Variants in TSC22D1 observed in about 807,000 individuals in gnomAD.
TSC22D1 encodes the protein TSC22 domain family member 1, also known as TSC22 domain family protein 1.
A neutral mutation model predicts 74.2 loss-of-function variants in TSC22D1; 9 were observed. The observed-to-expected ratio is 0.12, with a 90% CI of 0.07 to 0.21. TSC22D1 has a LOEUF of 0.21. Among genes scored for constraint, TSC22D1 ranks in the 10% least tolerant of loss-of-function variants. TSC22D1 has a pLI of 1.00. For missense variants in TSC22D1, 1,427 were observed against 1,304.7 expected (o/e 1.09, Z -1.44); for synonymous variants, 586 against 492.5 (o/e 1.19, Z -2.51).
chr13:44,433,233 T>C lies in TSC22D1; in HGVS notation c.*1393A>G, dbSNP rs570783853. Reference sequence around the variant, plus strand: ...CTAGAATTTTAAAGCCAAAGGGGAATGTAAGAGATCATCTCTTTCAAACCC... The same window carrying C: ...CTAGAATTTTAAAGCCAAAGGGGAACGTAAGAGATCATCTCTTTCAAACCC... On this transcript the variant is annotated 3_prime_UTR_variant, in exon 3 of 3. Coordinates refer to ENST00000458659, the MANE Select transcript of TSC22D1 (RefSeq NM_183422.4). 7 of 152,366 alleles carry C rather than the reference T, an allele frequency of 4.6e-5. No homozygotes were observed. The South Asian group carries it at 1.4e-3, about 32-fold the overall frequency. 9.4% of individuals were successfully genotyped at this position (152,366 alleles called of 1,614,324 possible).
At chr13:44,457,185 C>T (rs769240818) in intron 1 of TSC22D1, among the ~76,000 whole-genome samples, 2 of 152,226 alleles carry the variant, frequency 1.3e-5, no homozygotes, top group Non-Finnish European at 2.9e-5. Flanking sequence ...CCCAGCTGAA[C>T]CAAAACTGCA....
intron 1 of TSC22D1, among the ~76,000 whole-genome samples, chr13:44,490,610 T>A (rs1878653386): frequency 1.3e-5 from 2 of 151,998 alleles, no homozygotes; most frequent in South Asian, 2.1e-4. Flanking sequence ...CTATAAAGAA[T>A]ATATAGGCTG....
chr13:44,455,413 ACT>A (rs1296034244), intron 1 of TSC22D1, among the ~76,000 whole-genome samples: 5 of 151,976 alleles, frequency 3.3e-5, no homozygotes, highest in African/African-American at 9.7e-5. Flanking sequence ...TTTCTGAAAG[ACT>A]CTTTTTTAAA....
rs1252419802 is a variant in TSC22D1, at chr13:44,573,989, C to T, written c.2086G>A (p.Val696Met). The T allele has an allele frequency of 1.2e-6, 2 of 1,614,026 alleles. No individual in the cohort carries two copies. Among genetic ancestry groups the T allele is most frequent in the East Asian group, 4.5e-5 (2 of 44,886 alleles). Residue 696 changes from valine (V) to methionine (M), a missense_variant, in exon 1 of 3, where the codon GTG becomes ATG. Transcript: ENST00000458659. ...TGTGCTGGGACTGCTGTGGGCTGCA[C>T]TGGCAGCTGGATACCCTGTGGCTGA... ...VAQPQGIQLPVQPTAVPAQPA... is the reference protein window; with the variant it reads ...VAQPQGIQLPMQPTAVPAQPA...
At chr13:44,511,716 AGT>A (rs1477013584) in intron 1 of TSC22D1, among the ~76,000 whole-genome samples, 2 of 152,124 alleles carry the variant, frequency 1.3e-5, no homozygotes, top group African/African-American at 4.8e-5. Flanking sequence ...GAATCTCTGA[AGT>A]AGAATTTATG....
chr13:44,537,759 A>C (rs1342434565), intron 1 of TSC22D1: 1 of 980,312 alleles, frequency 1.0e-6, no homozygotes, highest in African/African-American at 1.8e-5. Context: ...TACTATACTT[A>C]ACAAAAATTT....
intron 1 of TSC22D1, chr13:44,537,284 TTAAA>T: frequency 1.0e-6 from 1 of 971,780 alleles, no homozygotes; most frequent in Non-Finnish European, 1.2e-6. Context: ...AAATAAAAGT[TTAAA>T]TAAACAAATC....
intron 1 of TSC22D1, among the ~76,000 whole-genome samples, chr13:44,531,676 G>A (rs1880846006): frequency 6.6e-6 from 1 of 152,122 alleles, no homozygotes; most frequent in South Asian, 2.1e-4. Context: ...TATACCCTTA[G>A]ATGTACATGC....
chr13:44,442,936 G>GAAAAA (rs1337172280), intron 1 of TSC22D1, among the ~76,000 whole-genome samples: 3 of 95,672 alleles, frequency 3.1e-5, no homozygotes, highest in African/African-American at 1.2e-4. Context: ...AAAAAAGAAT[G>GAAAAA]AAAAAGAACA....
chr13:44,524,320 C>A (rs1320672577), intron 1 of TSC22D1, among the ~76,000 whole-genome samples: 1 of 151,422 alleles, frequency 6.6e-6, no homozygotes, highest in Non-Finnish European at 1.5e-5. Context: ...TCTCTTAGAT[C>A]CATCAGAGAA....
At chr13:44,538,626 T>C in intron 1 of TSC22D1, 1 of 985,414 alleles carries the variant, frequency 1.0e-6, no homozygotes. Flanking sequence ...CATGTAAAAT[T>C]CCAATCTGAA....
At chr13:44,561,387 C>T (rs1883028190) in intron 1 of TSC22D1, among the ~76,000 whole-genome samples, 1 of 152,118 alleles carries the variant, frequency 6.6e-6, no homozygotes, top group Non-Finnish European at 1.5e-5. Context: ...CTGATCAGGC[C>T]ACTGCATGGT....
chr13:44,518,258 C>A (rs1444279915), intron 1 of TSC22D1, among the ~76,000 whole-genome samples: 1 of 151,990 alleles, frequency 6.6e-6, no homozygotes, highest in Non-Finnish European at 1.5e-5. Flanking sequence ...TGCTATGCTG[C>A]TGCAAAATAG....
At chr13:44,511,524 TCTGG>T (rs980416949) in intron 1 of TSC22D1, among the ~76,000 whole-genome samples, 1 of 152,066 alleles carries the variant, frequency 6.6e-6, no homozygotes, top group Non-Finnish European at 1.5e-5. Context: ...ATCGCTAACA[TCTGG>T]CATATAACTA....
intron 1 of TSC22D1, among the ~76,000 whole-genome samples, chr13:44,518,592 GA>G (rs888120219): frequency 1.3e-5 from 2 of 152,090 alleles, no homozygotes; most frequent in Admixed American, 1.3e-4. Context: ...GCCTATGAGA[GA>G]AAAAAATTTT....
At chr13:44,514,985 T>A (rs1038604570) in intron 1 of TSC22D1, among the ~76,000 whole-genome samples, 3 of 152,230 alleles carry the variant, frequency 2.0e-5, no homozygotes, top group African/African-American at 4.8e-5. Context: ...AATGGCATAC[T>A]CTAATGATAA....
chr13:44,539,887 T>C, intron 1 of TSC22D1: 1 of 1,289,730 alleles, frequency 7.8e-7, no homozygotes. Context: ...TCTGTGGTTC[T>C]AGGATCACTC....
intron 1 of TSC22D1, among the ~76,000 whole-genome samples, chr13:44,439,204 T>C (rs1874989516): frequency 6.6e-6 from 1 of 152,242 alleles, no homozygotes; most frequent in Non-Finnish European, 1.5e-5. Context: ...TTGGATATTT[T>C]AAATAAAATT....
chr13:44,479,285 C>A (rs556041096), intron 1 of TSC22D1, among the ~76,000 whole-genome samples: 1 of 151,554 alleles, frequency 6.6e-6, no homozygotes, highest in Non-Finnish European at 1.5e-5. Flanking sequence ...CGGCCTAACT[C>A]GTGAACTTTC....
Sources: allele counts gnomAD v4.1 joint callset (sites outside exome capture counted in the v4.1 genomes callset), GRCh38; gene constraint gnomAD v4.1.1; transcripts MANE v1.5; gene names NCBI Gene and HGNC (gene_info 2026-07-23, HGNC 2026-07-21).